SOX1: variants seen among roughly 807,000 people sequenced by gnomAD.
SOX1 encodes transcription factor SOX-1.
SOX1 carries 1 observed loss-of-function variant against 0.9 expected under a neutral mutation model. That is an observed-to-expected ratio of 1.07 (90% CI 0.38 to 5.06). SOX1 has a LOEUF of 5.06. Among genes scored for constraint, SOX1 ranks in the 30% most tolerant of loss-of-function variants. The pLI is 0.16. For missense variants in SOX1, 564 were observed against 534.4 expected (o/e 1.06, Z -0.55); for synonymous variants, 397 against 265.5 (o/e 1.50, Z -4.81).
rs1880781382 is a variant in SOX1, at chr13:112,068,299, G to C, written c.641G>C (p.Gly214Ala). 9.8e-7 allele frequency: 1 copy of C among 1,016,076 alleles called. No homozygotes were observed. Among genetic ancestry groups the C allele is most frequent in the Non-Finnish European group, 1.2e-6 (1 of 840,026 alleles). 62.9% of individuals were successfully genotyped at this position (1,016,076 alleles called of 1,614,324 possible). A position where few individuals can be genotyped will look rare whatever the true frequency, so the allele number is the denominator to read the frequency against. ...ATGCAGGAGGCGCAGCTGGCCTACG[G>C]GCAGCACCCGGGCGCGGGCGGCGCG... ...AMMQEAQLAY[G>A]QHPGAGGAHP... Residue 214 changes from glycine (G) to alanine (A), a missense_variant, in exon 1 of 1, where the codon GGG (glycine) becomes GCG (alanine). Physicochemically the swap from Gly to Ala is moderately conservative, Grantham distance 60 (BLOSUM62 0). Transcript: ENST00000330949. This position sits in a 1 kb window ranked among gnomAD's most constrained non-coding sequence, Gnocchi z 6.9.
At position 112,071,148 on chromosome 13, in the gene SOX1, C is replaced by T. The variant is rs544338336; in HGVS notation, c.*2314C>T. ...TGAGGTTCTTTGACTGACGTCCACT[C>T]TCAGTCTGGCCCCTGTGCTCCCCTG... On this transcript the variant is annotated 3_prime_UTR_variant, in exon 1 of 1. Transcript: ENST00000330949. Among the ~76,000 whole-genome samples the T allele has an allele frequency of 1.3e-5, 2 of 152,230 alleles. No homozygotes were observed. The highest frequency in any genetic ancestry group is 2.9e-5 in the Non-Finnish European group (2 of 68,042).
In SOX1 at chr13:112,067,724, C is replaced by T. The variant is rs1880756805; in HGVS notation, c.66C>T (p.Leu22=). 1.5e-5 allele frequency: 19 copies of T among 1,270,088 alleles called. No homozygotes were observed. The highest frequency in any genetic ancestry group is 1.9e-5 in the Non-Finnish European group (19 of 1,002,598). 78.7% of individuals were successfully genotyped at this position (1,270,088 alleles called of 1,614,324 possible). ...SPGGAQAPTN[L]SGPAGAGGGG... ...GCGGCGCCCAGGCCCCCACGAACCT[C>T]TCGGGCCCCGCCGGGGCGGGCGGCG... The change falls in exon 1 of 1, where the codon CTC becomes CTT. Residue 22 remains leucine (L), a synonymous_variant. Transcript: ENST00000330949. This position sits in a 1 kb window ranked among gnomAD's most constrained non-coding sequence, Gnocchi z 5.1.
rs1424092706 is a variant in SOX1 at position 112,067,784 on chromosome 13, GGGC to G, written c.128_130del (p.Gly43del). ...GAGGCGGGGGCGGCGGCGGCGGCGG[GGGC>G]GCCAAGGCCAACCAGGACCGGGTCA... On this transcript the variant is annotated inframe_deletion, in exon 1 of 1. Coordinates refer to ENST00000330949, the MANE Select transcript of SOX1 (RefSeq NM_005986.3). The surrounding 1 kb of genome is among the most constrained non-coding windows in gnomAD (Gnocchi z 5.1). 5 of 1,342,146 alleles carry G rather than the reference GGGC, an allele frequency of 3.7e-6. No individual in the cohort carries two copies. Among genetic ancestry groups the G allele is most frequent in the Non-Finnish European group, 4.8e-6 (5 of 1,040,454 alleles). The allele number at this position is 1,342,146 out of a possible 1,614,324, so 83.1% of individuals were successfully genotyped here. A position where few individuals can be genotyped will look rare whatever the true frequency, so the allele number is the denominator to read the frequency against.
At position 112,068,486 on chromosome 13, in the gene SOX1, C is replaced by T. The variant is rs1239200884; in HGVS notation, c.828C>T (p.Leu276=). ...CGTCGCCCTCGGGCTACGGCGGCCT[C>T]CCCTACGGCGCCGCGGCCGCCGCCG... ...MSASPSGYGG[L]PYGAAAAAAA... The change falls in exon 1 of 1, where the codon CTC becomes CTT. Residue 276 remains leucine (L), a synonymous_variant. Coordinates refer to ENST00000330949, the MANE Select transcript of SOX1 (RefSeq NM_005986.3). This position sits in a 1 kb window ranked among gnomAD's most constrained non-coding sequence, Gnocchi z 6.9. The T allele has an allele frequency of 3.7e-6, 4 of 1,081,850 alleles. No individual in the cohort carries two copies. Among genetic ancestry groups the T allele is most frequent in the South Asian group, 5.3e-5 (2 of 37,780 alleles). The allele number at this position is 1,081,850 out of a possible 1,614,324, so 67.0% of individuals were successfully genotyped here.
In SOX1 at chr13:112,067,973, G is replaced by A. The variant is rs144349683; in HGVS notation, c.315G>A (p.Lys105=). 2.5e-6 allele frequency: 4 copies of A among 1,607,096 alleles called. No individual in the cohort carries two copies. In the African/African-American group the frequency reaches 4.0e-5, roughly 16 times the overall value. ...AGCGGCCGTTCATCGACGAGGCCAA[G>A]CGGCTGCGCGCGCTGCACATGAAGG... ...AEKRPFIDEA[K]RLRALHMKEH... The change falls in exon 1 of 1, where the codon AAG becomes AAA. Residue 105 remains lysine, a synonymous_variant. Coordinates refer to ENST00000330949, the MANE Select transcript of SOX1 (RefSeq NM_005986.3). The surrounding 1 kb of genome is among the most constrained non-coding windows in gnomAD (Gnocchi z 5.1).
Position 112,067,638 on chromosome 13 carries a change from G to A in SOX1, c.-21G>A. 7.9e-7 allele frequency: 1 copy of A among 1,270,810 alleles called. No homozygotes were observed. Among genetic ancestry groups the A allele is most frequent in the Non-Finnish European group, 1.0e-6 (1 of 997,512 alleles). 78.7% of individuals were successfully genotyped at this position (1,270,810 alleles called of 1,614,324 possible). ...TCCAGGCCCTCTCCTCGCGGTGCCGGTGAACCCGCCAGCCGCCCCGATGTA... is the reference window on the plus strand; with the variant it reads ...TCCAGGCCCTCTCCTCGCGGTGCCGATGAACCCGCCAGCCGCCCCGATGTA... On this transcript the variant is annotated 5_prime_UTR_variant, in exon 1 of 1. The change creates a new upstream start codon in the 5' untranslated region. Transcript: ENST00000330949. This position sits in a 1 kb window ranked among gnomAD's most constrained non-coding sequence, Gnocchi z 5.1.
Position 112,068,432 on chromosome 13 carries a change from C to A in SOX1, c.774C>A (p.Pro258=). 1 of 1,268,046 alleles carries A rather than the reference C, an allele frequency of 7.9e-7. No individual in the cohort carries two copies. Among genetic ancestry groups the A allele is most frequent in the South Asian group, 1.4e-5 (1 of 69,332 alleles). 78.5% of individuals were successfully genotyped at this position (1,268,046 alleles called of 1,614,324 possible). ...RYDMGALQYS[P]ISNSQGYMSA... ...ACATGGGCGCGCTGCAGTACAGCCC[C>A]ATCTCCAACTCGCAGGGCTACATGA... Residue 258 remains proline, a synonymous_variant, in exon 1 of 1, where the codon CCC becomes CCA. Coordinates refer to ENST00000330949, the MANE Select transcript of SOX1 (RefSeq NM_005986.3). This position sits in a 1 kb window ranked among gnomAD's most constrained non-coding sequence, Gnocchi z 6.9.
In SOX1 at chr13:112,068,809, G is replaced by A. The variant is rs1196004298; in HGVS notation, c.1151G>A (p.Gly384Asp). ...HYQGAGAGVN[G>D]TVPLTHI ...CAGGGCGCGGGCGCGGGCGTGAACG[G>A]CACGGTGCCCCTGACGCACATCTAG... Residue 384 changes from glycine to aspartate, a missense_variant, in exon 1 of 1, where the codon GGC (glycine) becomes GAC (aspartate). By Grantham distance (94) the Gly-to-Asp change is moderately conservative. Coordinates refer to ENST00000330949, the MANE Select transcript of SOX1 (RefSeq NM_005986.3). This position sits in a 1 kb window ranked among gnomAD's most constrained non-coding sequence, Gnocchi z 6.9. The A allele has an allele frequency of 2.5e-6, 3 of 1,199,914 alleles. No individual in the cohort carries two copies. The highest frequency in any genetic ancestry group is 3.8e-5 in the South Asian group (1 of 26,108). 74.3% of individuals were successfully genotyped at this position (1,199,914 alleles called of 1,614,324 possible). A position where few individuals can be genotyped will look rare whatever the true frequency, so the allele number is the denominator to read the frequency against.
Position 112,068,714 on chromosome 13 carries a change from G to C in SOX1, c.1056G>C (p.Glu352Asp), listed in dbSNP as rs1421615736. ...EMISMYLPAG[E>D]GGDPAAAAAA... The stretch of plus-strand genomic sequence containing the variant: ...TCAGCATGTACTTGCCCGCCGGCGA[G>C]GGGGGCGACCCGGCGGCGGCAGCAG... The change falls in exon 1 of 1, where the codon GAG (glutamate) becomes GAC (aspartate). Residue 352 changes from glutamate (E) to aspartate (D), a missense_variant. Coordinates refer to ENST00000330949, the MANE Select transcript of SOX1 (RefSeq NM_005986.3). This position sits in a 1 kb window ranked among gnomAD's most constrained non-coding sequence, Gnocchi z 6.9. 1.7e-6 allele frequency: 2 copies of C among 1,183,492 alleles called. No individual in the cohort carries two copies. The highest frequency in any genetic ancestry group is 4.1e-5 in the South Asian group (1 of 24,100). The allele number at this position is 1,183,492 out of a possible 1,614,324, so 73.3% of individuals were successfully genotyped here.
chr13:112,068,395 T>C lies in SOX1; in HGVS notation c.737T>C (p.Met246Thr). Residue 246 changes from methionine to threonine, a missense_variant, in exon 1 of 1, where the codon ATG (methionine) becomes ACG (threonine). Physicochemically the swap from Met to Thr is moderately conservative, Grantham distance 81. Coordinates refer to ENST00000330949, the MANE Select transcript of SOX1 (RefSeq NM_005986.3). The surrounding 1 kb of genome is among the most constrained non-coding windows in gnomAD (Gnocchi z 6.9). ...PHAHPHNPQPMHRYDMGALQY... is the reference protein window; with the variant it reads ...PHAHPHNPQPTHRYDMGALQY... ...GCGCACCCGCACAACCCGCAGCCCATGCACCGCTACGACATGGGCGCGCTG... is the reference window on the plus strand; with the variant it reads ...GCGCACCCGCACAACCCGCAGCCCACGCACCGCTACGACATGGGCGCGCTG... 7.7e-7 allele frequency: 1 copy of C among 1,300,092 alleles called. No individual in the cohort carries two copies. Among genetic ancestry groups the C allele is most frequent in the Non-Finnish European group, 1.0e-6 (1 of 1,004,996 alleles). The allele number at this position is 1,300,092 out of a possible 1,614,324, so 80.5% of individuals were successfully genotyped here. A position where few individuals can be genotyped will look rare whatever the true frequency, so the allele number is the denominator to read the frequency against.
Position 112,069,226 on chromosome 13 carries a change from G to A in SOX1, c.*392G>A, listed in dbSNP as rs894038429. ...CTCACTTTCCTCCGCGTTGCTTCCG[G>A]ACGGCGCCGACCGCCGGAGCCCAAG... On this transcript the variant is annotated 3_prime_UTR_variant, in exon 1 of 1. Coordinates refer to ENST00000330949, the MANE Select transcript of SOX1 (RefSeq NM_005986.3). The A allele has an allele frequency of 6.0e-6, 1 of 167,908 alleles. No homozygotes were observed. Among genetic ancestry groups the A allele is most frequent in the Non-Finnish European group, 1.5e-5 (1 of 68,712 alleles). The allele number at this position is 167,908 out of a possible 1,614,324, so 10.4% of individuals were successfully genotyped here.
In SOX1 at chr13:112,068,740, C is replaced by T; in HGVS notation, c.1082C>T (p.Ala361Val). The T allele has an allele frequency of 8.4e-7, 1 of 1,192,994 alleles. No homozygotes were observed. The highest frequency in any genetic ancestry group is 3.6e-5 in the East Asian group (1 of 27,744). The allele number at this position is 1,192,994 out of a possible 1,614,324, so 73.9% of individuals were successfully genotyped here. ...GGGGGCGACCCGGCGGCGGCAGCAG[C>T]GGCCGCGGCGCAGAGCCGGCTGCAC... Reference protein sequence around the residue: ...GEGGDPAAAAAAAAQSRLHSL... With the variant: ...GEGGDPAAAAVAAAQSRLHSL... The change falls in exon 1 of 1, where the codon GCG (alanine) becomes GTG (valine). Residue 361 changes from alanine (A) to valine (V), a missense_variant. Ala to Val is a moderately conservative substitution (Grantham distance 64). Coordinates refer to ENST00000330949, the MANE Select transcript of SOX1 (RefSeq NM_005986.3). This position sits in a 1 kb window ranked among gnomAD's most constrained non-coding sequence, Gnocchi z 6.9.
chr13:112,071,683 C>A lies in SOX1; in HGVS notation c.*2849C>A, dbSNP rs1386292203. ...TAGTTATTATATTATATGACGACTT[C>A]ATTCACTTCCCAAATCACAGGGTGG... On this transcript the variant is annotated 3_prime_UTR_variant, in exon 1 of 1. Transcript: ENST00000330949. 1.3e-5 allele frequency among the ~76,000 whole-genome samples: 2 copies of A among 152,200 alleles called. No homozygotes were observed. The highest frequency in any genetic ancestry group is 2.9e-5 in the Non-Finnish European group (2 of 68,034).
rs1254928525 is a variant in SOX1 at position 112,067,565 on chromosome 13, C to T, written c.-94C>T. The T allele has an allele frequency of 3.3e-6, 2 of 612,762 alleles. No individual in the cohort carries two copies. Among genetic ancestry groups the T allele is most frequent in the Non-Finnish European group, 4.3e-6 (2 of 468,496 alleles). 38.0% of individuals were successfully genotyped at this position (612,762 alleles called of 1,614,324 possible). On this transcript the variant is annotated 5_prime_UTR_variant, in exon 1 of 1. Transcript: ENST00000330949. The surrounding 1 kb of genome is among the most constrained non-coding windows in gnomAD (Gnocchi z 5.1). Reference sequence around the variant, plus strand: ...CTAGGACCCCCCCGCCCCCGTCTCACTCCGTCTGAATTCCTCTCCGTCTCC... The same window carrying T: ...CTAGGACCCCCCCGCCCCCGTCTCATTCCGTCTGAATTCCTCTCCGTCTCC...
rs999819927 is a variant in SOX1 at position 112,067,279 on chromosome 13, C to T, written c.-380C>T. ...GCGGCCGGCGAGGAGACAGCACACC[C>T]CGGGCCGGGCCCAGCGCACCGCTCC... On this transcript the variant is annotated 5_prime_UTR_variant, in exon 1 of 1. Transcript: ENST00000330949. The surrounding 1 kb of genome is among the most constrained non-coding windows in gnomAD (Gnocchi z 5.1). 1.3e-5 allele frequency among the ~76,000 whole-genome samples: 2 copies of T among 152,056 alleles called. No homozygotes were observed. The highest frequency in any genetic ancestry group is 6.5e-5 in the Admixed American group (1 of 15,288).
At position 112,069,382 on chromosome 13, in the gene SOX1, C is replaced by T. The variant is rs1880825105; in HGVS notation, c.*548C>T. 1.2e-5 allele frequency: 2 copies of T among 167,092 alleles called. No homozygotes were observed. The highest frequency in any genetic ancestry group is 4.1e-4 in the South Asian group (2 of 4,826). 10.4% of individuals were successfully genotyped at this position (167,092 alleles called of 1,614,324 possible). A position where few individuals can be genotyped will look rare whatever the true frequency, so the allele number is the denominator to read the frequency against. On this transcript the variant is annotated 3_prime_UTR_variant, in exon 1 of 1. Transcript: ENST00000330949. ...TACAAAGAGATTACCACCACCACCC[C>T]CTCCTTCAGACGGCGGAGTTATATT...
Position 112,068,109 on chromosome 13 carries a change from G to A in SOX1, c.451G>A (p.Ala151Thr), listed in dbSNP as rs1313344921. 2.7e-6 allele frequency: 4 copies of A among 1,467,322 alleles called. No individual in the cohort carries two copies. Among genetic ancestry groups the A allele is most frequent in the Admixed American group, 4.5e-5 (2 of 44,486 alleles). The allele number at this position is 1,467,322 out of a possible 1,614,324, so 90.9% of individuals were successfully genotyped here. The change falls in exon 1 of 1, where the codon GCG (alanine) becomes ACG (threonine). Residue 151 changes from alanine to threonine, a missense_variant. Ala to Thr is a moderately conservative substitution (Grantham distance 58, BLOSUM62 0). Coordinates refer to ENST00000330949, the MANE Select transcript of SOX1 (RefSeq NM_005986.3). This position sits in a 1 kb window ranked among gnomAD's most constrained non-coding sequence, Gnocchi z 6.9. ...GGCGGCCGGCGCGGGTGGCGGCGGC[G>A]CGGCTGTGGCCATGGGCGTGGGCGT... ...LLAAGAGGGG[A>T]AVAMGVGVGV...
chr13:112,070,145 T>G lies in SOX1; in HGVS notation c.*1311T>G, dbSNP rs1022402428. 4 of 167,104 alleles carry G rather than the reference T, an allele frequency of 2.4e-5. No individual in the cohort carries two copies. The highest frequency in any genetic ancestry group is 5.9e-5 in the Non-Finnish European group (4 of 68,130). 10.4% of individuals were successfully genotyped at this position (167,104 alleles called of 1,614,324 possible). On this transcript the variant is annotated 3_prime_UTR_variant, in exon 1 of 1. Transcript: ENST00000330949. Reference sequence around the variant, plus strand: ...ACACAATCGCTGAACCAAAACGTACTGCAGCCGAGCCCCCTCCGTCCATCC... The same window carrying G: ...ACACAATCGCTGAACCAAAACGTACGGCAGCCGAGCCCCCTCCGTCCATCC...
chr13:112,070,996 C>A lies in SOX1; in HGVS notation c.*2162C>A. Among the ~76,000 whole-genome samples, 1 of 152,220 alleles carries A rather than the reference C, an allele frequency of 6.6e-6. No homozygotes were observed. Among genetic ancestry groups the A allele is most frequent in the East Asian group, 1.9e-4 (1 of 5,202 alleles). On this transcript the variant is annotated 3_prime_UTR_variant, in exon 1 of 1. Coordinates refer to ENST00000330949, the MANE Select transcript of SOX1 (RefSeq NM_005986.3). ...GACTTAGTCCGGGATAAGGGCCTCC[C>A]CAGTCCTCTCCGGGAGATGATTTGG... is the stretch of plus-strand genomic sequence containing the variant.
Sources: gnomAD v4.1 joint callset for allele counts (sites outside exome capture counted in the v4.1 genomes callset) on GRCh38, gnomAD v4.1.1 for gene constraint, Gnocchi (gnomAD v3.1) non-coding constraint, MANE v1.5 for transcripts, NCBI Gene and HGNC (gene_info 2026-07-23, HGNC 2026-07-21) for gene names.